The following NINL variants were observed in gnomAD, a reference collection of about 807,000 sequenced individuals.
NINL encodes ninein-like protein.
A neutral mutation model predicts 160.3 loss-of-function variants in NINL; 153 were observed. That is an observed-to-expected ratio of 0.95 (90% CI 0.84 to 1.09). The LOEUF (loss-of-function observed/expected upper bound fraction) is 1.09. Among genes scored for constraint, NINL ranks in the 50% least tolerant of loss-of-function variants. The pLI, the probability that NINL is intolerant of heterozygous loss-of-function variation, is 0.00. For synonymous variants in NINL, 800 were observed against 734.8 expected (o/e 1.09, Z -1.43); for missense variants, 1,829 against 1,764.0 (o/e 1.04, Z -0.66).
At chr20:25,475,866 G>C (rs958357289) in intron 17 of NINL, among the ~76,000 whole-genome samples, 177 bp downstream of exon 17, 1 of 152,178 alleles carries the variant, frequency 6.6e-6, no homozygotes. Context: ...GTGGCATTCC[G>C]GGACGGGGCT....
At chr20:25,510,896 G>A (rs781145950) in intron 4 of NINL, among the ~76,000 whole-genome samples, 156 bp from the exon 5 acceptor site, 21 of 152,194 alleles carry the variant, frequency 1.4e-4, no homozygotes, top group Admixed American at 6.5e-4. Flanking sequence ...CCTTGGGGCT[G>A]CCCTGCATGC....
At chr20:25,506,064 C>T (rs760727600) in intron 5 of NINL, among the ~76,000 whole-genome samples, 2 of 152,114 alleles carry the variant, frequency 1.3e-5, no homozygotes, top group South Asian at 4.1e-4. Flanking sequence ...GAGTTCAAGA[C>T]CAGCCTGGCC....
intron 1 of NINL, among the ~76,000 whole-genome samples, chr20:25,562,070 A>G (rs1489944045): frequency 7.6e-6 from 1 of 131,668 alleles, no homozygotes; most frequent in Non-Finnish European, 1.6e-5. Context: ...TCCGGGAGGC[A>G]GGTGGGGGGG....
Position 25,545,743 on chromosome 20 carries a change from A to G in NINL, c.-11-19145T>C, listed in dbSNP as rs59444992. On this transcript the variant is annotated intron_variant, in intron 1 of 23. Coordinates refer to ENST00000278886, the MANE Select transcript of NINL (RefSeq NM_025176.6). ...TAGCAAGCCCTGGAAGTACTTTACTACAAACTATATTTCTTTGCCATATCT... is the reference window on the plus strand; with the variant it reads ...TAGCAAGCCCTGGAAGTACTTTACTGCAAACTATATTTCTTTGCCATATCT... 2.0e-5 allele frequency among the ~76,000 whole-genome samples: 3 copies of G among 152,192 alleles called. No individual in the cohort carries two copies. The East Asian group carries it at 5.8e-4, about 29-fold the overall frequency.
At chr20:25,580,275 C>T (rs1158598067) in intron 1 of NINL, among the ~76,000 whole-genome samples, 1 of 151,614 alleles carries the variant, frequency 6.6e-6, no homozygotes, top group Non-Finnish European at 1.5e-5. Flanking sequence ...CAGAGGTTGC[C>T]GTGAGCCAAG....
At chr20:25,464,394 G>A (rs1342516240) in intron 19 of NINL, among the ~76,000 whole-genome samples, 1 of 151,946 alleles carries the variant, frequency 6.6e-6, no homozygotes, top group Non-Finnish European at 1.5e-5. Flanking sequence ...TCCAGCCAGA[G>A]TGACAGAACA....
At chr20:25,545,716 G>T (rs2064723131) in intron 1 of NINL, among the ~76,000 whole-genome samples, 1 of 152,172 alleles carries the variant, frequency 6.6e-6, no homozygotes, top group Non-Finnish European at 1.5e-5. Context: ...TCATAAGACA[G>T]ATAGCAAGCC....
At chr20:25,496,198 C>A (rs2063748961) in intron 10 of NINL, among the ~76,000 whole-genome samples, 1 of 152,204 alleles carries the variant, frequency 6.6e-6, no homozygotes, top group South Asian at 2.1e-4. Flanking sequence ...TCTGGTCTAT[C>A]CAGCCACTGT....
Position 25,453,698 on chromosome 20 carries a change from T to C in NINL, c.3958-56A>G, listed in dbSNP as rs552893607. 5.4e-6 allele frequency: 8 copies of C among 1,471,212 alleles called. No individual in the cohort carries two copies. The East Asian group carries it at 1.8e-4, about 34-fold the overall frequency. The allele number at this position is 1,471,212 out of a possible 1,614,324, so 91.1% of individuals were successfully genotyped here. ...GAGGCCGGTGGAGAAACGCTACAGA[T>C]CAGCCTGCTCTCTTTTATCCTCCCA... On this transcript the variant is annotated intron_variant, in intron 23 of 23. Coordinates refer to ENST00000278886, the MANE Select transcript of NINL (RefSeq NM_025176.6).
chr20:25,567,936 T>A (rs1037176553), intron 1 of NINL, among the ~76,000 whole-genome samples: 1 of 151,742 alleles, frequency 6.6e-6, no homozygotes, highest in Non-Finnish European at 1.5e-5. Flanking sequence ...GCTAAAGCAG[T>A]TCTCAGAGGA....
At chr20:25,475,475 C>A (rs1253126546) in intron 17 of NINL, among the ~76,000 whole-genome samples, 1 of 152,168 alleles carries the variant, frequency 6.6e-6, no homozygotes, top group East Asian at 1.9e-4. Context: ...GCAGACCAAT[C>A]CCTTATGATG....
At chr20:25,491,575 C>G in intron 10 of NINL, 50 bp from the exon 11 acceptor site, 7 of 1,578,432 alleles carry the variant, frequency 4.4e-6, no homozygotes, top group Non-Finnish European at 5.2e-6. Context: ...CAGGGCTGCC[C>G]AGGCCCACGC....
At chr20:25,530,125 A>G (rs1397648965) in intron 1 of NINL, among the ~76,000 whole-genome samples, 1 of 152,248 alleles carries the variant, frequency 6.6e-6, no homozygotes, top group East Asian at 1.9e-4. Context: ...AAAATAAAGA[A>G]CATAAAATAA....
chr20:25,551,617 G>C (rs1044856246), intron 1 of NINL, among the ~76,000 whole-genome samples: 6 of 152,262 alleles, frequency 3.9e-5, no homozygotes, highest in African/African-American at 1.4e-4. Context: ...GTGTGAGGTG[G>C]GGGCAGGCAG....
intron 11 of NINL, among the ~76,000 whole-genome samples, chr20:25,491,009 G>T (rs2063619485): frequency 6.6e-6 from 1 of 152,232 alleles, no homozygotes; most frequent in African/African-American, 2.4e-5. Flanking sequence ...TTTAGGTTCT[G>T]GTCTCTTTGC....
intron 2 of NINL, among the ~76,000 whole-genome samples, chr20:25,524,812 T>C (rs547403374): frequency 6.6e-6 from 1 of 152,136 alleles, no homozygotes; most frequent in East Asian, 1.9e-4. Flanking sequence ...GGACCCAAAG[T>C]TACTCTTTTG....
At chr20:25,532,633 C>A (rs571925510) in intron 1 of NINL, among the ~76,000 whole-genome samples, 9 of 152,348 alleles carry the variant, frequency 5.9e-5, no homozygotes, top group Admixed American at 5.2e-4. Context: ...CTAACTCCTG[C>A]GTCTCAGACT....
intron 22 of NINL, among the ~76,000 whole-genome samples, chr20:25,456,047 C>T (rs1234273747): frequency 6.7e-6 from 1 of 148,316 alleles, no homozygotes; most frequent in Non-Finnish European, 1.5e-5. Context: ...AGTGGCACTC[C>T]AGCCTAGGTG....
At chr20:25,577,600 G>C (rs1267932482) in intron 1 of NINL, among the ~76,000 whole-genome samples, 1 of 152,188 alleles carries the variant, frequency 6.6e-6, no homozygotes, top group Admixed American at 6.5e-5. Context: ...AAAACTCCAA[G>C]TTAGTGAATA....
Sources: allele counts gnomAD v4.1 joint callset (sites outside exome capture counted in the v4.1 genomes callset), GRCh38; gene constraint gnomAD v4.1.1; transcripts MANE v1.5; gene names NCBI Gene and HGNC (gene_info 2026-07-23, HGNC 2026-07-21).